Variants in SPAG16 observed in about 807,000 individuals in gnomAD.
The protein encoded by SPAG16 is sperm associated antigen 16.
A neutral mutation model predicts 80.4 loss-of-function variants in SPAG16; 86 were observed. The ratio of observed to expected loss-of-function variants is 1.07; its 90% CI spans 0.90 to 1.28. The LOEUF (loss-of-function observed/expected upper bound fraction) is 1.28, where lower values mean the gene tolerates loss of function less well. SPAG16 is among the 50% of genes most tolerant of loss of function. The pLI, the probability that SPAG16 is intolerant of heterozygous loss-of-function variation, is 0.00. For synonymous variants in SPAG16, 294 were observed against 265.9 expected, an observed-to-expected ratio of 1.11 and a Z score of -1.03; for missense variants, 870 against 765.3, an observed-to-expected ratio of 1.14 and a Z score of -1.61.
intron 15 of SPAG16, among the ~76,000 whole-genome samples, chr2:214,217,161 G>T (rs1026194496): frequency 6.6e-6 from 1 of 152,182 alleles, no homozygotes; most frequent in Non-Finnish European, 1.5e-5. Flanking sequence ...TAACATTTTA[G>T]ATATAAAAAG....
chr2:213,445,626 A>G (rs1339132759), intron 9 of SPAG16, among the ~76,000 whole-genome samples: 2 of 152,184 alleles, frequency 1.3e-5, no homozygotes, highest in East Asian at 3.8e-4. Context: ...AAAACATGCC[A>G]TTGCACTCCA....
chr2:214,153,305 T>C (rs992794105), intron 15 of SPAG16, among the ~76,000 whole-genome samples: 8 of 152,104 alleles, frequency 5.3e-5, no homozygotes, highest in Non-Finnish European at 1.0e-4. Flanking sequence ...TCCCCTCAGC[T>C]CCTATCTCTG....
intron 10 of SPAG16, among the ~76,000 whole-genome samples, chr2:213,575,132 A>G (rs1398331199): frequency 6.6e-6 from 1 of 152,144 alleles, no homozygotes; most frequent in Non-Finnish European, 1.5e-5. Flanking sequence ...TAAAGTCTTT[A>G]GTTATGAATT....
intron 14 of SPAG16, among the ~76,000 whole-genome samples, chr2:214,137,360 C>T (rs2055114857): frequency 6.6e-6 from 1 of 151,828 alleles, no homozygotes; most frequent in African/African-American, 2.4e-5. Context: ...TATCTAATGA[C>T]ATATATATTT....
intron 12 of SPAG16, among the ~76,000 whole-genome samples, chr2:213,950,878 T>C (rs921999079): frequency 1.3e-5 from 2 of 151,634 alleles, no homozygotes; most frequent in African/African-American, 2.4e-5. Flanking sequence ...CCTGCTAATT[T>C]TGGGGGACCT....
intron 9 of SPAG16, among the ~76,000 whole-genome samples, chr2:213,418,059 C>T (rs998260806): frequency 6.6e-6 from 1 of 151,948 alleles, no homozygotes; most frequent in Non-Finnish European, 1.5e-5. Context: ...TTTTAGTAGA[C>T]ACGATGTTTC....
At chr2:214,224,233 T>A (rs906033541) in intron 15 of SPAG16, among the ~76,000 whole-genome samples, 37 of 152,180 alleles carry the variant, frequency 2.4e-4, no homozygotes, top group African/African-American at 8.9e-4. Flanking sequence ...CCAGCTTGCC[T>A]TCCTACAGCC....
At chr2:214,043,698 C>T (rs1234414455) in intron 13 of SPAG16, among the ~76,000 whole-genome samples, 1 of 152,042 alleles carries the variant, frequency 6.6e-6, no homozygotes. Context: ...GATTCAGTCA[C>T]CTGAAGAACA....
At chr2:214,177,225 C>T (rs1304664061) in intron 15 of SPAG16, among the ~76,000 whole-genome samples, 1 of 151,014 alleles carries the variant, frequency 6.6e-6, no homozygotes, top group Non-Finnish European at 1.5e-5. Context: ...TCATTCATAC[C>T]ATTGCCTAAG....
At chr2:213,859,987 CA>C (rs1434689115) in intron 10 of SPAG16, among the ~76,000 whole-genome samples, 7 of 96,668 alleles carry the variant, frequency 7.2e-5, no homozygotes, top group Admixed American at 2.3e-4. Flanking sequence ...ATATCATTAC[CA>C]TTAGTTGATG....
At chr2:213,737,843 T>A (rs1366219532) in intron 10 of SPAG16, among the ~76,000 whole-genome samples, 6 of 152,148 alleles carry the variant, frequency 3.9e-5, no homozygotes, top group Non-Finnish European at 8.8e-5. Context: ...AAATGTAGGT[T>A]GAGAAGTTAT....
intron 15 of SPAG16, among the ~76,000 whole-genome samples, chr2:214,250,524 A>G (rs1035213371): frequency 1.9e-4 from 28 of 150,548 alleles, no homozygotes; most frequent in Middle Eastern, 3.7e-3. Flanking sequence ...AAGGAAGAAA[A>G]CAAGTTAAAA....
intron 7 of SPAG16, among the ~76,000 whole-genome samples, chr2:213,361,620 T>C (rs1269005439): frequency 6.6e-6 from 1 of 151,100 alleles, no homozygotes. Context: ...CTTGGGACAT[T>C]TTCTTGTGCT....
At chr2:213,981,746 C>T (rs1014477975) in intron 12 of SPAG16, among the ~76,000 whole-genome samples, 8 of 152,034 alleles carry the variant, frequency 5.3e-5, no homozygotes, top group African/African-American at 1.9e-4. Context: ...TATACAAAGC[C>T]ACTGATATAT....
intron 5 of SPAG16, among the ~76,000 whole-genome samples, chr2:213,335,798 C>T (rs528888303): frequency 5.9e-5 from 9 of 151,894 alleles, no homozygotes; most frequent in African/African-American, 1.2e-4. Flanking sequence ...TGTTTATTTA[C>T]GTGTAATGAA....
At chr2:214,007,347 G>C (rs2047075064) in intron 12 of SPAG16, among the ~76,000 whole-genome samples, 1 of 151,706 alleles carries the variant, frequency 6.6e-6, no homozygotes, top group Non-Finnish European at 1.5e-5. Context: ...TGCAATCCCA[G>C]CATTTTGGGA....
chr2:214,067,982 A>AT (rs943541053), intron 13 of SPAG16, among the ~76,000 whole-genome samples: 18 of 151,688 alleles, frequency 1.2e-4, no homozygotes, highest in East Asian at 5.8e-4. Flanking sequence ...CCTTCAAAAT[A>AT]TTTTTTTTTG....
At chr2:213,932,192 A>T (rs1228110651) in intron 12 of SPAG16, among the ~76,000 whole-genome samples, 3 of 67,146 alleles carry the variant, frequency 4.5e-5, no homozygotes, top group South Asian at 5.1e-4. Context: ...ATATATATAT[A>T]TATATATTTG....
intron 12 of SPAG16, among the ~76,000 whole-genome samples, chr2:213,938,552 A>G (rs929702473): frequency 2.6e-5 from 4 of 152,022 alleles, no homozygotes; most frequent in African/African-American, 9.7e-5. Flanking sequence ...TGTGTTATCT[A>G]TGACTCCAAA....
Sources: allele counts gnomAD v4.1 joint callset (sites outside exome capture counted in the v4.1 genomes callset), GRCh38; gene constraint gnomAD v4.1.1; transcripts MANE v1.5; gene names NCBI Gene and HGNC (gene_info 2026-07-23, HGNC 2026-07-21).